Variants in LRP1B observed in about 807,000 individuals in gnomAD.
The protein encoded by LRP1B is low-density lipoprotein receptor-related protein 1B.
A neutral mutation model predicts 556.6 loss-of-function variants in LRP1B; 217 were observed. That is an observed-to-expected ratio of 0.39 (90% CI 0.35 to 0.44). The LOEUF (loss-of-function observed/expected upper bound fraction) is 0.44. LRP1B is among the 20% of genes least tolerant of loss of function. LRP1B has a pLI of 1.00. For synonymous variants in LRP1B, 2,047 were observed against 1,865.8 expected (o/e 1.10, Z -2.50); for missense variants, 5,053 against 5,620.8 (o/e 0.90, Z 3.23).
chr2:141,005,505 C>A, intron 14 of LRP1B, 48 bp from the exon 15 acceptor site: 1 of 1,598,672 alleles, frequency 6.3e-7, no homozygotes, highest in South Asian at 1.1e-5. Flanking sequence ...GATTCACGTT[C>A]TTTCTAGGAG....
chr2:141,457,757 C>A (rs7371258), intron 3 of LRP1B, among the ~76,000 whole-genome samples: 60,939 of 151,890 alleles, frequency 0.4, 12,528 homozygotes, highest in African/African-American at 0.43. Context: ...GAGGTGGTAA[C>A]TGCAGTGGAG....
chr2:140,943,383 G>C (rs747869390), intron 20 of LRP1B, among the ~76,000 whole-genome samples: 2 of 151,852 alleles, frequency 1.3e-5, no homozygotes, highest in African/African-American at 2.4e-5. Context: ...ATTAACAAAT[G>C]AATTCTGTTA....
At chr2:140,399,761 A>C (rs1168183505) in intron 66 of LRP1B, among the ~76,000 whole-genome samples, 1 of 152,210 alleles carries the variant, frequency 6.6e-6, no homozygotes, top group African/African-American at 2.4e-5. Flanking sequence ...ACTTTATGGA[A>C]AAGCTAACAA....
intron 18 of LRP1B, among the ~76,000 whole-genome samples, chr2:140,974,589 A>T (rs970052826): frequency 1.3e-5 from 2 of 152,202 alleles, no homozygotes; most frequent in African/African-American, 4.8e-5. Context: ...CTGCTTTAAT[A>T]GGAGATTAGA....
intron 82 of LRP1B, among the ~76,000 whole-genome samples, chr2:140,319,685 C>T (rs1013164676): frequency 2.6e-5 from 4 of 152,090 alleles, no homozygotes; most frequent in Non-Finnish European, 4.4e-5. Context: ...AGGCTTAATA[C>T]CTAGGTGATA....
intron 43 of LRP1B, among the ~76,000 whole-genome samples, chr2:140,590,827 A>T (rs1036415299): frequency 3.2e-4 from 49 of 152,178 alleles, no homozygotes; most frequent in African/African-American, 1.1e-3. Context: ...TTTTTCATTC[A>T]AGAAATATTT....
chr2:141,978,859 C>T (rs1369540), intron 1 of LRP1B, among the ~76,000 whole-genome samples: 91,985 of 151,692 alleles, frequency 0.61, 28,664 homozygotes, highest in African/African-American at 0.74. Context: ...TGCATATGTA[C>T]GTTTTGTGTA....
chr2:141,478,170 TC>T (rs1250324341), intron 3 of LRP1B, among the ~76,000 whole-genome samples: 1 of 152,150 alleles, frequency 6.6e-6, no homozygotes, highest in African/African-American at 2.4e-5. Flanking sequence ...TTTATTTGAA[TC>T]CCCTTTTATG....
At chr2:141,860,868 G>A (rs1355290931) in intron 1 of LRP1B, among the ~76,000 whole-genome samples, 1 of 152,042 alleles carries the variant, frequency 6.6e-6, no homozygotes, top group Admixed American at 6.5e-5. Context: ...ACATTCTACA[G>A]AAATAAATTA....
intron 1 of LRP1B, among the ~76,000 whole-genome samples, chr2:141,949,227 G>C (rs192881988): frequency 1.4e-4 from 22 of 152,208 alleles, no homozygotes; most frequent in Middle Eastern, 3.4e-3. Context: ...GTAAGGGCTA[G>C]CTCTTCTAGC....
At chr2:141,575,133 A>T (rs1686685422) in intron 2 of LRP1B, among the ~76,000 whole-genome samples, 1 of 152,232 alleles carries the variant, frequency 6.6e-6, no homozygotes, top group African/African-American at 2.4e-5. Flanking sequence ...ATGGAATCAA[A>T]GAAGACCCTG....
intron 77 of LRP1B, among the ~76,000 whole-genome samples, chr2:140,340,625 G>A (rs1271330340): frequency 1.3e-5 from 2 of 151,088 alleles, no homozygotes; most frequent in Non-Finnish European, 3.0e-5. Context: ...GAGTAAACCT[G>A]TCAAAACGAT....
At chr2:140,857,259 T>C (rs1692647506) in intron 27 of LRP1B, among the ~76,000 whole-genome samples, 1 of 152,178 alleles carries the variant, frequency 6.6e-6, no homozygotes, top group Non-Finnish European at 1.5e-5. Flanking sequence ...ATTTGTTAGG[T>C]AGAGAAAGAT....
chr2:140,935,117 G>T (rs1352897736), intron 20 of LRP1B, among the ~76,000 whole-genome samples: 4 of 151,912 alleles, frequency 2.6e-5, no homozygotes, highest in Non-Finnish European at 5.9e-5. Flanking sequence ...AAATCACAAG[G>T]CATGCAAAGA....
At chr2:140,350,167 G>A (rs1681891281) in intron 77 of LRP1B, among the ~76,000 whole-genome samples, 1 of 151,902 alleles carries the variant, frequency 6.6e-6, no homozygotes, top group Admixed American at 6.6e-5. Context: ...ACAATAACTT[G>A]ACATGCCCTA....
chr2:141,162,419 T>G (rs990457798), intron 7 of LRP1B, among the ~76,000 whole-genome samples: 1 of 152,036 alleles, frequency 6.6e-6, no homozygotes, highest in Non-Finnish European at 1.5e-5. Context: ...TCCTCCAGAA[T>G]GCAAACAACC....
At chr2:141,013,876 A>AT (rs1164829113) in intron 13 of LRP1B, 131 bp from the exon 14 acceptor site, 1 of 516,860 alleles carries the variant, frequency 1.9e-6, no homozygotes, top group Non-Finnish European at 3.1e-6. Context: ...TCTCTGATAG[A>AT]TTTAAAAAAT....
At chr2:141,887,160 T>C (rs932487575) in intron 1 of LRP1B, among the ~76,000 whole-genome samples, 1 of 151,962 alleles carries the variant, frequency 6.6e-6, no homozygotes, top group African/African-American at 2.4e-5. Flanking sequence ...CATGCCTTGC[T>C]AATTTTTGTA....
intron 1 of LRP1B, among the ~76,000 whole-genome samples, chr2:141,914,880 T>C (rs1441916832): frequency 6.6e-6 from 1 of 152,194 alleles, no homozygotes; most frequent in African/African-American, 2.4e-5. Flanking sequence ...AAACATTTTA[T>C]TCTCATGAAT....
Sources: gnomAD v4.1 joint callset for allele counts (sites outside exome capture counted in the v4.1 genomes callset) on GRCh38, gnomAD v4.1.1 for gene constraint, MANE v1.5 for transcripts, NCBI Gene and HGNC (gene_info 2026-07-23, HGNC 2026-07-21) for gene names.